LATS2: variants seen among roughly 807,000 people sequenced by gnomAD.
The protein encoded by LATS2 is serine/threonine-protein kinase LATS2.
LATS2 carries 24 observed loss-of-function variants against 76.0 expected under a neutral mutation model. That is an observed-to-expected ratio of 0.32 (90% CI 0.23 to 0.44). The LOEUF (loss-of-function observed/expected upper bound fraction) is 0.44, where lower values mean the gene tolerates loss of function less well. Among genes scored for constraint, LATS2 ranks in the 20% least tolerant of loss-of-function variants. LATS2 has a pLI of 1.00. For synonymous variants in LATS2, 692 were observed against 635.4 expected, an observed-to-expected ratio of 1.09 and a Z score of -1.34; for missense variants, 1,286 against 1,481.2, an observed-to-expected ratio of 0.87 and a Z score of 2.16.
chr13:21,028,079 C>G (rs1872381394), intron 2 of LATS2, among the ~76,000 whole-genome samples: 1 of 152,126 alleles, frequency 6.6e-6, no homozygotes, highest in Admixed American at 6.6e-5. Context: ...ATCCCTCCCC[C>G]TTCCCCCACC....
At chr13:20,999,561 C>T (rs1870948215) in intron 2 of LATS2, among the ~76,000 whole-genome samples, 1 of 151,962 alleles carries the variant, frequency 6.6e-6, no homozygotes, top group African/African-American at 2.4e-5. Context: ...CTGGCACTGC[C>T]CGGCTTAAGC....
At chr13:21,060,684 G>A (rs971592187) in intron 1 of LATS2, among the ~76,000 whole-genome samples, 2 of 151,588 alleles carry the variant, frequency 1.3e-5, no homozygotes, top group Admixed American at 6.6e-5. Flanking sequence ...ACCGGGGGCT[G>A]AGGGGCGGCG....
rs904309445 is a variant in LATS2 at position 20,973,895 on chromosome 13, G to A, written c.*975C>T. 8 of 222,504 alleles carry A rather than the reference G, an allele frequency of 3.6e-5. No homozygotes were observed. Among genetic ancestry groups the A allele is most frequent in the East Asian group, 6.7e-5 (1 of 14,830 alleles). The allele number at this position is 222,504 out of a possible 1,614,324, so 13.8% of individuals were successfully genotyped here. A position where few individuals can be genotyped will look rare whatever the true frequency, so the allele number is the denominator to read the frequency against. ...GGACTACAGAAACGGACATGTGTCCGTGATTAAACTTTTTGGCATCGCTGT... is the reference window on the plus strand; with the variant it reads ...GGACTACAGAAACGGACATGTGTCCATGATTAAACTTTTTGGCATCGCTGT... On this transcript the variant is annotated 3_prime_UTR_variant, in exon 8 of 8. Coordinates refer to ENST00000382592, the MANE Select transcript of LATS2 (RefSeq NM_014572.3).
chr13:21,050,119 C>CATAGATAGATAGATAGATAGATAG (rs576222992), intron 1 of LATS2, among the ~76,000 whole-genome samples: 4 of 26,778 alleles, frequency 1.5e-4, no homozygotes, highest in African/African-American at 2.8e-4. Context: ...GACTCTGTCT[C>CATAGATAGATAGATAGATAGATAG]ATAGACAGAT....
chr13:20,974,800 G>A lies in LATS2; in HGVS notation c.*70C>T. ...AAAACAGCCCTCGGCTTCCCTATTGGCCTGTGAGGGCACCGGCTCCGGGAC... is the reference window on the plus strand; with the variant it reads ...AAAACAGCCCTCGGCTTCCCTATTGACCTGTGAGGGCACCGGCTCCGGGAC... On this transcript the variant is annotated 3_prime_UTR_variant, in exon 8 of 8. Transcript: ENST00000382592. The A allele has an allele frequency of 1.3e-6, 2 of 1,501,912 alleles. No individual in the cohort carries two copies. Among genetic ancestry groups the A allele is most frequent in the Non-Finnish European group, 1.8e-6 (2 of 1,117,782 alleles). 93.0% of individuals were successfully genotyped at this position (1,501,912 alleles called of 1,614,324 possible). A position where few individuals can be genotyped will look rare whatever the true frequency, so the allele number is the denominator to read the frequency against.
At chr13:20,993,035 C>CA (rs551359225) in intron 2 of LATS2, among the ~76,000 whole-genome samples, 12,454 of 88,786 alleles carry the variant, frequency 0.14, 1,389 homozygotes, top group Non-Finnish European at 0.15. Context: ...ACTCCATCTC[C>CA]AAAAAAAAAA....
Position 20,989,304 on chromosome 13 carries a change from C to T in LATS2, c.476G>A (p.Gly159Glu), listed in dbSNP as rs1022150658. The change falls in exon 4 of 8, where the codon GGA becomes GAA. Residue 159 changes from glycine (G) to glutamate (E), a missense_variant and splice_region_variant. By Grantham distance (98) the Gly-to-Glu change is moderately conservative. Coordinates refer to ENST00000382592, the MANE Select transcript of LATS2 (RefSeq NM_014572.3). The stretch of plus-strand genomic sequence containing the variant: ...CACTGGGGTTGGCATGAGCCCCTTT[C>T]CTGCAGTGGAAAAAACAGGAAGACA... ...IVRVIKQTSP[G>E]KGLMPTPVTR... 5 of 1,613,588 alleles carry T rather than the reference C, an allele frequency of 3.1e-6. No individual in the cohort carries two copies. In the African/African-American group the frequency reaches 6.7e-5, roughly 22 times the overall value.
At chr13:20,981,395 G>T in intron 6 of LATS2, 71 bp downstream of exon 6, 2 of 1,403,486 alleles carry the variant, frequency 1.4e-6, no homozygotes, top group Non-Finnish European at 1.9e-6. Context: ...GAAAGCTAGA[G>T]CCAGCGAGAC....
intron 2 of LATS2, among the ~76,000 whole-genome samples, chr13:21,039,172 T>C (rs1356799308): frequency 6.6e-6 from 1 of 152,164 alleles, no homozygotes; most frequent in Admixed American, 6.5e-5. Flanking sequence ...GGCAAGGAAC[T>C]GCTACACCCA....
intron 2 of LATS2, among the ~76,000 whole-genome samples, chr13:21,023,340 A>G (rs2138365531): frequency 6.6e-6 from 1 of 151,986 alleles, no homozygotes; most frequent in East Asian, 1.9e-4. Flanking sequence ...CACTGGGACC[A>G]CAGGCGCTCG....
At chr13:20,982,763 A>G in intron 5 of LATS2, among the ~76,000 whole-genome samples, 1 of 151,048 alleles carries the variant, frequency 6.6e-6, no homozygotes, top group East Asian at 2.0e-4. Context: ...AGGCGGAGGC[A>G]GGCGGATCAC....
At chr13:21,025,393 C>CAAA (rs1171981071) in intron 2 of LATS2, among the ~76,000 whole-genome samples, 2 of 49,752 alleles carry the variant, frequency 4.0e-5, no homozygotes, top group African/African-American at 1.8e-4. Flanking sequence ...ACTCCGTCTC[C>CAAA]AAAAAAAAAA....
chr13:21,025,406 A>AC (rs1222002857), intron 2 of LATS2, among the ~76,000 whole-genome samples: 15 of 147,698 alleles, frequency 1.0e-4, no homozygotes, highest in Admixed American at 4.1e-4. Flanking sequence ...AAAAAAAAAA[A>AC]AAAAAAAATT....
chr13:20,998,432 G>A (rs1416514736), intron 2 of LATS2, among the ~76,000 whole-genome samples: 5 of 152,120 alleles, frequency 3.3e-5, no homozygotes, highest in Admixed American at 6.5e-5. Context: ...GATGAGAGGG[G>A]CCAGTTGGCT....
At chr13:21,009,968 G>A (rs937488857) in intron 2 of LATS2, among the ~76,000 whole-genome samples, 1 of 152,192 alleles carries the variant, frequency 6.6e-6, no homozygotes, top group Non-Finnish European at 1.5e-5. Context: ...GGGAGGGCGA[G>A]GTGGACAGAC....
chr13:21,042,840 C>T (rs1202645825), intron 2 of LATS2, among the ~76,000 whole-genome samples: 4 of 151,494 alleles, frequency 2.6e-5, no homozygotes, highest in Non-Finnish European at 4.4e-5. Flanking sequence ...AAAAATTAGC[C>T]GGGCGTGGTG....
intron 1 of LATS2, among the ~76,000 whole-genome samples, chr13:21,053,635 A>G (rs1459628301): frequency 6.6e-6 from 1 of 152,202 alleles, no homozygotes; most frequent in East Asian, 1.9e-4. Context: ...CTCAGTCAAC[A>G]GCAGCACCTT....
rs150909869 is a variant in LATS2, at chr13:20,981,494, G to A, written c.2637C>T (p.Tyr879=). The change falls in exon 6 of 8, where the codon TAC becomes TAT. Residue 879 remains tyrosine (Y), a synonymous_variant. Transcript: ENST00000382592. ...TGCGGAGGAGCACCTCGGGTGCGAT[G>A]TAGTTTGGAGTCCCCACCAGTGAAT... ...LAHSLVGTPN[Y]IAPEVLLRKG... The A allele has an allele frequency of 1.2e-6, 2 of 1,613,966 alleles. No individual in the cohort carries two copies. Among genetic ancestry groups the A allele is most frequent in the African/African-American group, 1.3e-5 (1 of 74,930 alleles).
chr13:21,051,347 C>G (rs748865218), intron 1 of LATS2, among the ~76,000 whole-genome samples: 11 of 152,136 alleles, frequency 7.2e-5, no homozygotes, highest in Non-Finnish European at 1.5e-4. Flanking sequence ...AGGAGAAAAT[C>G]AATTATTTAA....
Sources: gnomAD v4.1 joint callset for allele counts (sites outside exome capture counted in the v4.1 genomes callset) on GRCh38, gnomAD v4.1.1 for gene constraint, MANE v1.5 for transcripts, NCBI Gene and HGNC (gene_info 2026-07-23, HGNC 2026-07-21) for gene names.